The following SDCCAG8 variants were observed in gnomAD, a reference collection of about 807,000 sequenced individuals.
SDCCAG8 encodes the protein SHH signaling and ciliogenesis regulator SDCCAG8, also known as serologically defined colon cancer antigen 8.
Under a neutral mutation model 101.8 loss-of-function variants are expected in SDCCAG8, and 74 were observed. That is an observed-to-expected ratio of 0.73 (90% confidence interval 0.60 to 0.88). The LOEUF is 0.88. SDCCAG8 is among the 40% of genes least tolerant of loss of function. The probability of loss-of-function intolerance (pLI) is 0.00; values close to 1 mark genes in which losing one functional copy is unlikely to be tolerated. For synonymous variants in SDCCAG8, 281 were observed against 292.9 expected (o/e 0.96, Z 0.41); for missense variants, 787 against 822.6 (o/e 0.96, Z 0.53).
chr1:243,404,447 T>G (rs1201392661), intron 13 of SDCCAG8, among the ~76,000 whole-genome samples: 1 of 152,156 alleles, frequency 6.6e-6, no homozygotes, highest in Non-Finnish European at 1.5e-5. Context: ...TATTACAAAG[T>G]CAAATAGAAA....
intron 1 of SDCCAG8, chr1:243,269,105 T>TA (rs767280847): frequency 1.3e-5 from 2 of 152,320 alleles, no homozygotes; most frequent in East Asian, 3.9e-4. Flanking sequence ...GGTAGTCAGA[T>TA]ATCTTACATA....
Position 243,304,755 on chromosome 1 carries a change from G to A in SDCCAG8, c.718G>A (p.Glu240Lys), listed in dbSNP as rs774139674. The change falls in exon 7 of 18, where the codon GAA becomes AAA. Residue 240 changes from glutamate (E) to lysine (K), a missense_variant. Coordinates refer to ENST00000366541, the MANE Select transcript of SDCCAG8 (RefSeq NM_006642.5). ...TTATGAGGAAAAGTGTGAAATTGAG[G>A]AATCCCAATTGAAGTTTTTGAGGTA... is the stretch of plus-strand genomic sequence containing the variant. ...LTYEEKCEIE[E>K]SQLKFLRNDL... is the part of the protein sequence containing the mutation. The A allele has an allele frequency of 1.2e-5, 19 of 1,594,740 alleles. No individual in the cohort carries two copies. In the South Asian group the frequency reaches 1.9e-4, roughly 16 times the overall value.
rs187320666 is a variant in SDCCAG8 at position 243,426,881 on chromosome 1, T to C, written c.1985+323T>C. ...ATATGGAGGAATTTCAAATTATCTCTCCTAGAAATTAGATTTTATATGCTT... is the reference window on the plus strand; with the variant it reads ...ATATGGAGGAATTTCAAATTATCTCCCCTAGAAATTAGATTTTATATGCTT... On this transcript the variant is annotated intron_variant, in intron 16 of 17. Transcript: ENST00000366541. 2.6e-5 allele frequency among the ~76,000 whole-genome samples: 4 copies of C among 152,320 alleles called. No homozygotes were observed. In the East Asian group the frequency reaches 5.8e-4, roughly 22 times the overall value.
At chr1:243,413,747 T>C (rs1007652479) in intron 13 of SDCCAG8, among the ~76,000 whole-genome samples, 1 of 152,154 alleles carries the variant, frequency 6.6e-6, no homozygotes, top group Non-Finnish European at 1.5e-5. Flanking sequence ...TTTCTATCTC[T>C]GGCTCCTGCC....
intron 17 of SDCCAG8, 45 bp downstream of exon 17, chr1:243,489,185 T>C (rs1329365867): frequency 1.9e-6 from 3 of 1,603,284 alleles, no homozygotes; most frequent in Admixed American, 3.4e-5. Flanking sequence ...TGGGCGGGCG[T>C]CTACAGGTGG....
At chr1:243,490,694 A>C (rs1314226901) in intron 17 of SDCCAG8, among the ~76,000 whole-genome samples, 2 of 152,158 alleles carry the variant, frequency 1.3e-5, no homozygotes, top group Non-Finnish European at 2.9e-5. Flanking sequence ...CAGGCTGAGG[A>C]CGTGTGAGGG....
chr1:243,344,959 G>A (rs568017768), intron 12 of SDCCAG8, among the ~76,000 whole-genome samples: 26 of 152,218 alleles, frequency 1.7e-4, no homozygotes, highest in African/African-American at 5.8e-4. Context: ...TTTTAGAGAG[G>A]CAGTTCTAAT....
At chr1:243,373,893 C>T (rs536108537) in intron 12 of SDCCAG8, among the ~76,000 whole-genome samples, 101 of 152,078 alleles carry the variant, frequency 6.6e-4, no homozygotes, top group South Asian at 1.5e-3. Context: ...AAAGGATAGC[C>T]AAGTATTATC....
chr1:243,296,851 G>A (rs1430666390), intron 6 of SDCCAG8, among the ~76,000 whole-genome samples: 1 of 152,082 alleles, frequency 6.6e-6, no homozygotes, highest in East Asian at 1.9e-4. Context: ...TCTTTTTAAG[G>A]TCATTAATGA....
chr1:243,461,815 T>A (rs991576947), intron 16 of SDCCAG8, among the ~76,000 whole-genome samples: 2 of 152,186 alleles, frequency 1.3e-5, no homozygotes, highest in African/African-American at 4.8e-5. Flanking sequence ...TGAATTCCTC[T>A]TCTCAATTCT....
At chr1:243,423,968 A>G (rs545447493) in intron 15 of SDCCAG8, among the ~76,000 whole-genome samples, 1 of 152,254 alleles carries the variant, frequency 6.6e-6, no homozygotes, top group Admixed American at 6.5e-5. Flanking sequence ...ATACGGTGGC[A>G]TGCAGTAAAT....
chr1:243,365,653 G>A (rs931345592), intron 12 of SDCCAG8, among the ~76,000 whole-genome samples: 2 of 152,042 alleles, frequency 1.3e-5, no homozygotes, highest in African/African-American at 4.8e-5. Context: ...GAATAAATGG[G>A]CCAATTTCTT....
intron 1 of SDCCAG8, chr1:243,267,902 GTAT>G: frequency 9.4e-7 from 1 of 1,067,902 alleles, no homozygotes; most frequent in East Asian, 2.4e-5. Flanking sequence ...GATAAAGTTG[GTAT>G]CAACGAGGAT....
chr1:243,383,982 A>C (rs2078114904), intron 13 of SDCCAG8, among the ~76,000 whole-genome samples: 1 of 151,990 alleles, frequency 6.6e-6, no homozygotes, highest in African/African-American at 2.4e-5. Flanking sequence ...TGAAATCCTG[A>C]TTTTTCTACC....
chr1:243,279,665 T>C (rs1166146705), intron 4 of SDCCAG8, among the ~76,000 whole-genome samples: 2 of 152,378 alleles, frequency 1.3e-5, no homozygotes, highest in East Asian at 1.9e-4. Flanking sequence ...GTTAAAATTA[T>C]GATTTTTCTT....
chr1:243,490,262 C>T (rs1052268947), intron 17 of SDCCAG8, among the ~76,000 whole-genome samples: 1 of 152,236 alleles, frequency 6.6e-6, no homozygotes, highest in East Asian at 1.9e-4. Flanking sequence ...GGAGCTAAGG[C>T]CTGGAGGTGG....
chr1:243,283,460 G>T (rs2069265284), intron 4 of SDCCAG8, among the ~76,000 whole-genome samples: 1 of 149,014 alleles, frequency 6.7e-6, no homozygotes, highest in Non-Finnish European at 1.5e-5. Context: ...TAATTGTACT[G>T]CAGTTCTTGT....
At chr1:243,456,264 G>A (rs2083745464) in intron 16 of SDCCAG8, among the ~76,000 whole-genome samples, 1 of 152,110 alleles carries the variant, frequency 6.6e-6, no homozygotes, top group Non-Finnish European at 1.5e-5. Flanking sequence ...TCTCATCCTT[G>A]AGCCTGCCCT....
intron 9 of SDCCAG8, among the ~76,000 whole-genome samples, chr1:243,323,688 G>C (rs370608612): frequency 1.3e-5 from 2 of 152,058 alleles, no homozygotes; most frequent in Non-Finnish European, 2.9e-5. Context: ...TGAGTGCATC[G>C]CAGCCAGGCT....
Sources: gnomAD v4.1 joint callset for allele counts (sites outside exome capture counted in the v4.1 genomes callset) on GRCh38, gnomAD v4.1.1 for gene constraint, MANE v1.5 for transcripts, NCBI Gene and HGNC (gene_info 2026-07-23, HGNC 2026-07-21) for gene names.